The following MGAM variants were observed in gnomAD, a reference collection of about 807,000 sequenced individuals.
MGAM encodes alpha-1,4-glucosidase.
A neutral mutation model predicts 358.8 loss-of-function variants in MGAM; 253 were observed. The observed-to-expected ratio is 0.71, with a 90% CI of 0.64 to 0.78. The LOEUF is 0.78. MGAM is among the 30% of genes least tolerant of loss of function. MGAM has a pLI of 0.00. For synonymous variants in MGAM, 1,105 were observed against 1,227.1 expected, an observed-to-expected ratio of 0.90 and a Z score of 2.08; for missense variants, 3,080 against 3,432.6, an observed-to-expected ratio of 0.90 and a Z score of 2.57.
At chr7:142,041,872 T>TTATATATATATATATTA (rs1554468667) in intron 21 of MGAM, among the ~76,000 whole-genome samples, 1 of 102,100 alleles carries the variant, frequency 9.8e-6, no homozygotes, top group African/African-American at 3.8e-5. Flanking sequence ...TATATATATA[T>TTATATATATATATATTA]TATATATATA....
At chr7:142,100,676 G>T in intron 67 of MGAM, 126 bp from the exon 68 acceptor site, 1 of 788,342 alleles carries the variant, frequency 1.3e-6, no homozygotes, top group South Asian at 1.5e-5. Flanking sequence ...CAAGTCTCTT[G>T]AATTCTAGTA....
chr7:142,056,331 C>T (rs568110503), intron 29 of MGAM, among the ~76,000 whole-genome samples: 8 of 152,216 alleles, frequency 5.3e-5, no homozygotes, highest in Admixed American at 5.2e-4. Flanking sequence ...ATAGTAACAC[C>T]ACATGGGTCC....
intron 2 of MGAM, among the ~76,000 whole-genome samples, chr7:141,990,403 A>G (rs893841406): frequency 6.6e-6 from 1 of 152,196 alleles, no homozygotes; most frequent in African/African-American, 2.4e-5. Flanking sequence ...ATTCTTCTGG[A>G]CTAAAAACTG....
rs753436409 is a variant in MGAM at position 142,084,601 on chromosome 7, T to C, written c.6464T>C (p.Ile2155Thr). ...CRYGYQNDSE[I>T]SSLYDEMVAA... ...TATGGCTACCAGAACGACTCTGAGA[T>C]CTCCAGCTTGTATGATGAGATGGTG... The change falls in exon 54 of 71, where the codon ATC becomes ACC. Residue 2155 changes from isoleucine to threonine, a missense_variant. Physicochemically the swap from Ile to Thr is moderately conservative, Grantham distance 89. Coordinates refer to ENST00000475668, the MANE Select transcript of MGAM (RefSeq NM_001365693.1). The C allele has an allele frequency of 1.3e-6, 2 of 1,556,468 alleles. No homozygotes were observed. Among genetic ancestry groups the C allele is most frequent in the Admixed American group, 3.4e-5 (2 of 58,480 alleles).
intron 4 of MGAM, among the ~76,000 whole-genome samples, chr7:142,020,157 G>A (rs782535044): frequency 6.6e-5 from 10 of 151,986 alleles, no homozygotes; most frequent in Admixed American, 2.0e-4. Flanking sequence ...GGAGGCTCTC[G>A]GTATAAAGGA....
chr7:142,092,024 T>C lies in MGAM; in HGVS notation c.6922T>C (p.Leu2308=), dbSNP rs756771848. ...YNNPQNPERS[L]KFDGMWIDMN... is the part of the protein sequence containing the mutation. ...CAATCCACAGAATCCAGAGAGGAGC[T>C]TGAAGTTTGATGGCATGTGGATTGT... Residue 2308 remains leucine (L), a synonymous_variant, in exon 58 of 71, where the codon TTG becomes CTG. Coordinates refer to ENST00000475668, the MANE Select transcript of MGAM (RefSeq NM_001365693.1). 2.6e-6 allele frequency: 4 copies of C among 1,537,948 alleles called. 1 individual carries two copies. In the South Asian group the frequency reaches 4.7e-5, roughly 18 times the overall value.
chr7:142,024,413 GGAAAA>G (rs1301145827), intron 7 of MGAM, among the ~76,000 whole-genome samples: 114 of 85,004 alleles, frequency 1.3e-3, no homozygotes, highest in African/African-American at 4.1e-3. Context: ...GACCCTGTCT[GGAAAA>G]AAAAAAAAAA....
chr7:142,005,390 A>C (rs532363848), intron 1 of MGAM, 139 bp from the exon 2 acceptor site: 1 of 602,930 alleles, frequency 1.7e-6, no homozygotes, highest in African/African-American at 1.9e-5. Context: ...TGAGCTGATA[A>C]TTTTTTAATT....
chr7:142,071,510 C>T (rs1389759008), intron 44 of MGAM, among the ~76,000 whole-genome samples: 1 of 146,192 alleles, frequency 6.8e-6, no homozygotes, highest in Non-Finnish European at 1.5e-5. Flanking sequence ...TTCAAACACG[C>T]TAACAGCCAG....
At position 142,084,550 on chromosome 7, in the gene MGAM, G is replaced by T; in HGVS notation, c.6413G>T (p.Trp2138Leu). 6.4e-7 allele frequency: 1 copy of T among 1,556,018 alleles called. No individual in the cohort carries two copies. Among genetic ancestry groups the T allele is most frequent in the African/African-American group, 1.3e-5 (1 of 74,572 alleles). Residue 2138 changes from tryptophan to leucine, a missense_variant, in exon 54 of 71, where the codon TGG becomes TTG. Physicochemically the swap from Trp to Leu is moderately conservative, Grantham distance 61. Transcript: ENST00000475668. ...LIGRPVMVPY[W>L]SLGFQLCRYG... Reference sequence around the variant, plus strand: ...GGCCGGCCTGTGATGGTACCTTACTGGTCTTTGGGGTTCCAGCTGTGTCGC... The same window carrying T: ...GGCCGGCCTGTGATGGTACCTTACTTGTCTTTGGGGTTCCAGCTGTGTCGC...
chr7:141,997,987 T>C (rs1318888016), intron 1 of MGAM, among the ~76,000 whole-genome samples: 2 of 152,286 alleles, frequency 1.3e-5, no homozygotes, highest in East Asian at 3.9e-4. Flanking sequence ...AGCAAAGGAT[T>C]TTAAAAGAAT....
At chr7:142,026,443 A>G (rs77242790) in intron 8 of MGAM, among the ~76,000 whole-genome samples, 7,492 of 152,230 alleles carry the variant, frequency 0.049, 406 homozygotes, top group African/African-American at 0.13. Context: ...ATTTACACAT[A>G]CAATGCACAT....
intron 60 of MGAM, 132 bp from the exon 61 acceptor site, chr7:142,094,232 A>T: frequency 8.9e-7 from 1 of 1,125,176 alleles, no homozygotes; most frequent in Non-Finnish European, 1.3e-6. Context: ...CCCCCATTAC[A>T]GCTCAGAGTC....
chr7:141,989,347 G>A (rs1803842893), intron 2 of MGAM, among the ~76,000 whole-genome samples: 1 of 152,056 alleles, frequency 6.6e-6, no homozygotes, highest in African/African-American at 2.4e-5. Context: ...AGGAGGGGTT[G>A]GGAAACTGAC....
Position 142,089,773 on chromosome 7 carries a change from C to T in MGAM, c.6811-2140C>T, listed in dbSNP as rs1242538580. Among the ~76,000 whole-genome samples the T allele has an allele frequency of 6.2e-5, 9 of 144,892 alleles. 1 individual carries two copies. Among genetic ancestry groups the T allele is most frequent in the East Asian group, 6.1e-4 (3 of 4,932 alleles). ...CTGCACTCCAGCCTGGGTGACACAG[C>T]GAGACTCCGTCTCAGAAGAAAAAAA... On this transcript the variant is annotated intron_variant, in intron 57 of 70. Transcript: ENST00000475668.
At chr7:142,010,204 AC>A (rs1343037198) in intron 3 of MGAM, among the ~76,000 whole-genome samples, 1 of 151,902 alleles carries the variant, frequency 6.6e-6, no homozygotes, top group African/African-American at 2.4e-5. Context: ...GAGAGAATGG[AC>A]TCTAGGAGTC....
intron 52 of MGAM, 28 bp downstream of exon 52, chr7:142,082,599 T>C (rs1382625903): frequency 7.0e-7 from 1 of 1,429,180 alleles, no homozygotes; most frequent in Admixed American, 2.0e-5. Flanking sequence ...CTCCCTTATT[T>C]TGGGGGGATA....
At chr7:142,098,062 T>G (rs530250560) in intron 66 of MGAM, among the ~76,000 whole-genome samples, 1 of 152,348 alleles carries the variant, frequency 6.6e-6, no homozygotes, top group African/African-American at 2.4e-5. Flanking sequence ...GTCTTTTTAT[T>G]AAATATCTCC....
intron 60 of MGAM, 102 bp downstream of exon 60, chr7:142,093,652 A>G: frequency 8.1e-7 from 1 of 1,236,258 alleles, no homozygotes; most frequent in South Asian, 1.4e-5. Flanking sequence ...CTAAGGGTTA[A>G]GAAGATTCTC....
Sources: gnomAD v4.1 joint callset for allele counts (sites outside exome capture counted in the v4.1 genomes callset) on GRCh38, gnomAD v4.1.1 for gene constraint, MANE v1.5 for transcripts, NCBI Gene and HGNC (gene_info 2026-07-23, HGNC 2026-07-21) for gene names.